TLL1: variants seen among roughly 807,000 people sequenced by gnomAD.
TLL1 encodes tolloid like 1.
A neutral mutation model predicts 128.2 loss-of-function variants in TLL1; 49 were observed. The ratio of observed to expected loss-of-function variants is 0.38; its 90% CI spans 0.30 to 0.48. The LOEUF (loss-of-function observed/expected upper bound fraction) is 0.48. Among genes scored for constraint, TLL1 ranks in the 20% least tolerant of loss-of-function variants. The probability of loss-of-function intolerance (pLI) is 0.96; values close to 1 mark genes in which losing one functional copy is unlikely to be tolerated. For missense variants in TLL1, 1,123 were observed against 1,242.0 expected, an observed-to-expected ratio of 0.90 and a Z score of 1.44; for synonymous variants, 454 against 418.8, an observed-to-expected ratio of 1.08 and a Z score of -1.03.
intron 18 of TLL1, among the ~76,000 whole-genome samples, chr4:166,078,724 G>GA (rs5863797): frequency 0.64 from 96,722 of 151,964 alleles, 32,628 homozygotes; most frequent in African/African-American, 0.88. Flanking sequence ...TAAAATTATA[G>GA]AATGTAGAAA....
chr4:165,937,095 A>G (rs1379384086), intron 1 of TLL1, among the ~76,000 whole-genome samples: 2 of 152,212 alleles, frequency 1.3e-5, no homozygotes, highest in Admixed American at 1.3e-4. Flanking sequence ...ACTCAGGAAA[A>G]GAATAGACTA....
At chr4:165,963,611 G>A (rs1306710283) in intron 1 of TLL1, among the ~76,000 whole-genome samples, 1 of 152,022 alleles carries the variant, frequency 6.6e-6, no homozygotes, top group African/African-American at 2.4e-5. Context: ...AACAAGAAAA[G>A]GTAATCCAGG....
chr4:166,036,789 CTG>C (rs3047083), intron 9 of TLL1, among the ~76,000 whole-genome samples: 59,630 of 144,858 alleles, frequency 0.41, 12,064 homozygotes, highest in Admixed American at 0.52. Flanking sequence ...CCCTATCCAA[CTG>C]TGTGTGTGTG....
intron 12 of TLL1, among the ~76,000 whole-genome samples, chr4:166,050,108 G>T (rs1043977128): frequency 6.6e-6 from 1 of 152,102 alleles, no homozygotes; most frequent in Non-Finnish European, 1.5e-5. Flanking sequence ...GTACAGTTCA[G>T]TAGTGTTAAG....
chr4:165,992,676 C>T (rs1736700509), intron 2 of TLL1, 128 bp from the exon 3 acceptor site: 1 of 828,750 alleles, frequency 1.2e-6, no homozygotes, highest in Non-Finnish European at 2.0e-6. Flanking sequence ...CATGGATATT[C>T]ATAATTTCAA....
intron 7 of TLL1, among the ~76,000 whole-genome samples, chr4:166,013,206 A>G (rs995857397): frequency 6.6e-6 from 1 of 151,844 alleles, no homozygotes; most frequent in African/African-American, 2.4e-5. Context: ...TCACTGCACA[A>G]TCAATATCCA....
At chr4:165,930,747 C>T (rs1733477930) in intron 1 of TLL1, among the ~76,000 whole-genome samples, 1 of 152,126 alleles carries the variant, frequency 6.6e-6, no homozygotes, top group African/African-American at 2.4e-5. Context: ...AAAGTGATAA[C>T]AAATACGTTT....
rs772090014 is a variant in TLL1 at position 166,042,143 on chromosome 4, G to A, written c.1378G>A (p.Ala460Thr). Reference sequence around the variant, plus strand: ...AAAAGGCTTTGCAGCTGTCTATGAAGGTAAGTCACATTGAATTTTAGAGAG... The same window carrying A: ...AAAAGGCTTTGCAGCTGTCTATGAAAGTAAGTCACATTGAATTTTAGAGAG... ...VGKGFAAVYE[A>T]ICGGEIRKNE... The change falls in exon 11 of 21, where the codon GCG becomes ACG. Residue 460 changes from alanine (A) to threonine (T), a missense_variant and splice_region_variant. Transcript: ENST00000061240. 3 of 1,597,106 alleles carry A rather than the reference G, an allele frequency of 1.9e-6. No individual in the cohort carries two copies. Among genetic ancestry groups the A allele is most frequent in the African/African-American group, 1.3e-5 (1 of 74,592 alleles).
chr4:165,953,463 A>G (rs560866202), intron 1 of TLL1, among the ~76,000 whole-genome samples: 2 of 151,706 alleles, frequency 1.3e-5, no homozygotes, highest in East Asian at 2.0e-4. Flanking sequence ...TTGACGGAGC[A>G]TCTATTTATA....
At chr4:165,962,642 A>G (rs573168724) in intron 1 of TLL1, among the ~76,000 whole-genome samples, 5 of 152,308 alleles carry the variant, frequency 3.3e-5, no homozygotes, top group African/African-American at 1.2e-4. Context: ...CACTATTTAC[A>G]GTAGCAAGGT....
At chr4:166,003,350 C>T in intron 5 of TLL1, 41 bp from the exon 6 acceptor site, 1 of 1,609,210 alleles carries the variant, frequency 6.2e-7, no homozygotes, top group Non-Finnish European at 8.5e-7. Flanking sequence ...TTGTCCAGCA[C>T]CACCTTTCCA....
chr4:166,077,950 C>A lies in TLL1; in HGVS notation c.2362C>A (p.Pro788Thr). Reference protein sequence around the residue: ...IHSPSGLITSPNWPDKYPSRK... With the variant: ...IHSPSGLITSTNWPDKYPSRK... ...CAGTCCAAGTGGCCTCATCACCAGT[C>A]CCAACTGGCCAGACAAGTACCCAAG... Residue 788 changes from proline to threonine, a missense_variant, in exon 18 of 21, where the codon CCC (proline) becomes ACC (threonine). Pro to Thr is a conservative substitution (Grantham distance 38, BLOSUM62 -1). Coordinates refer to ENST00000061240, the MANE Select transcript of TLL1 (RefSeq NM_012464.5). 1 of 1,613,618 alleles carries A rather than the reference C, an allele frequency of 6.2e-7. No individual in the cohort carries two copies.
At chr4:166,063,912 G>T (rs1740455421) in intron 15 of TLL1, among the ~76,000 whole-genome samples, 1 of 151,842 alleles carries the variant, frequency 6.6e-6, no homozygotes, top group Non-Finnish European at 1.5e-5. Context: ...GAGTTAATGG[G>T]TGCAGCATAC....
intron 1 of TLL1, among the ~76,000 whole-genome samples, chr4:165,946,244 A>G (rs1734244390): frequency 6.6e-6 from 1 of 152,142 alleles, no homozygotes; most frequent in African/African-American, 2.4e-5. Flanking sequence ...TGACACCTCA[A>G]GATCAGCCTT....
At chr4:166,021,595 G>A (rs531881224) in intron 8 of TLL1, among the ~76,000 whole-genome samples, 2 of 152,126 alleles carry the variant, frequency 1.3e-5, no homozygotes, top group East Asian at 3.9e-4. Context: ...ACCATGCCCG[G>A]CTAAATTTTG....
At chr4:166,088,101 A>G (rs1332928665) in intron 18 of TLL1, among the ~76,000 whole-genome samples, 1 of 152,198 alleles carries the variant, frequency 6.6e-6, no homozygotes, top group African/African-American at 2.4e-5. Context: ...AAAGGAAGAT[A>G]GTGCTTGAGT....
intron 14 of TLL1, among the ~76,000 whole-genome samples, chr4:166,057,789 G>A (rs9997681): frequency 0.42 from 63,442 of 151,806 alleles, 14,201 homozygotes; most frequent in African/African-American, 0.59. Context: ...ATCAGATTTC[G>A]TAAGACTTTC....
intron 5 of TLL1, among the ~76,000 whole-genome samples, chr4:165,999,067 C>A (rs113907895): frequency 0.021 from 3,246 of 152,190 alleles, 123 homozygotes; most frequent in African/African-American, 0.074. Context: ...TTGTCCATAT[C>A]ACTATCAGCA....
intron 1 of TLL1, among the ~76,000 whole-genome samples, chr4:165,967,007 C>T (rs1735416381): frequency 6.6e-6 from 1 of 152,200 alleles, no homozygotes; most frequent in African/African-American, 2.4e-5. Context: ...CATCCCTTAT[C>T]TGCAACCGTG....
Sources: gnomAD v4.1 joint callset for allele counts (sites outside exome capture counted in the v4.1 genomes callset) on GRCh38, gnomAD v4.1.1 for gene constraint, MANE v1.5 for transcripts, NCBI Gene and HGNC (gene_info 2026-07-23, HGNC 2026-07-21) for gene names.